CAMK1D: variants seen among roughly 807,000 people sequenced by gnomAD.
CAMK1D encodes calcium/calmodulin-dependent protein kinase type 1D.
Under a neutral mutation model 47.7 loss-of-function variants are expected in CAMK1D, and 9 were observed. That is an observed-to-expected ratio of 0.19 (90% confidence interval 0.11 to 0.33). CAMK1D has a LOEUF of 0.33. Ranked by LOEUF, CAMK1D falls within the 10% of genes least tolerant of loss-of-function variation. CAMK1D has a pLI of 1.00. For synonymous variants in CAMK1D, 184 were observed against 184.9 expected (o/e 0.99, Z 0.04); for missense variants, 291 against 488.7 (o/e 0.60, Z 3.81).
At chr10:12,817,271 G>C (rs990454707) in intron 8 of CAMK1D, among the ~76,000 whole-genome samples, 1 of 152,222 alleles carries the variant, frequency 6.6e-6, no homozygotes, top group Non-Finnish European at 1.5e-5. Flanking sequence ...AGTCTTTAAA[G>C]ATATTGAAGA....
intron 3 of CAMK1D, among the ~76,000 whole-genome samples, chr10:12,693,421 G>A (rs571283927): frequency 1.3e-4 from 20 of 151,796 alleles, no homozygotes; most frequent in African/African-American, 3.6e-4. Context: ...GGCCTCCAGC[G>A]TGGGCAATGT....
chr10:12,535,312 G>A (rs556652451), intron 1 of CAMK1D, among the ~76,000 whole-genome samples: 1 of 152,186 alleles, frequency 6.6e-6, no homozygotes, highest in East Asian at 1.9e-4. Context: ...TTCACTCTCT[G>A]TTCTGAAGTG....
chr10:12,616,540 C>T (rs933915701), intron 2 of CAMK1D, among the ~76,000 whole-genome samples: 8 of 151,960 alleles, frequency 5.3e-5, no homozygotes, highest in Admixed American at 1.3e-4. Flanking sequence ...GTTTTTGAGA[C>T]GGAGTCTCGC....
At chr10:12,756,889 C>T (rs192769655) in intron 3 of CAMK1D, among the ~76,000 whole-genome samples, 26 of 152,362 alleles carry the variant, frequency 1.7e-4, no homozygotes, top group African/African-American at 5.5e-4. Flanking sequence ...TGCCACTGCA[C>T]TCCAGCCTGG....
chr10:12,417,638 T>C (rs769277473), intron 1 of CAMK1D, among the ~76,000 whole-genome samples: 1 of 152,128 alleles, frequency 6.6e-6, no homozygotes, highest in Non-Finnish European at 1.5e-5. Flanking sequence ...CTCTACCTCC[T>C]GGCTCCTTCA....
At chr10:12,693,723 G>A (rs1280110554) in intron 3 of CAMK1D, among the ~76,000 whole-genome samples, 1 of 150,252 alleles carries the variant, frequency 6.7e-6, no homozygotes, top group African/African-American at 2.5e-5. Context: ...CAGCCTGCTG[G>A]CTTATCCTAG....
At chr10:12,530,637 C>T (rs886329911) in intron 1 of CAMK1D, among the ~76,000 whole-genome samples, 1 of 152,158 alleles carries the variant, frequency 6.6e-6, no homozygotes, top group Non-Finnish European at 1.5e-5. Flanking sequence ...AAGGTCTTCC[C>T]GTGGCCTCGG....
intron 2 of CAMK1D, among the ~76,000 whole-genome samples, chr10:12,601,932 G>T (rs1404235120): frequency 6.6e-6 from 1 of 152,348 alleles, no homozygotes; most frequent in African/African-American, 2.4e-5. Context: ...ACAGGAAGAA[G>T]CCCCCTCTAC....
chr10:12,820,342 C>T (rs1025226235), intron 8 of CAMK1D, among the ~76,000 whole-genome samples: 2 of 152,214 alleles, frequency 1.3e-5, no homozygotes, highest in Non-Finnish European at 2.9e-5. Flanking sequence ...TTTAACCCTC[C>T]CAATAAGTCA....
intron 5 of CAMK1D, among the ~76,000 whole-genome samples, 153 bp from the exon 6 acceptor site, chr10:12,791,005 A>T (rs1323438662): frequency 2.2e-5 from 1 of 45,356 alleles, no homozygotes; most frequent in Non-Finnish European, 4.5e-5. Context: ...TCCTTCCTTT[A>T]AAAAAAAAAA....
intron 3 of CAMK1D, among the ~76,000 whole-genome samples, chr10:12,716,869 G>C (rs1315852928): frequency 1.3e-5 from 2 of 152,168 alleles, no homozygotes; most frequent in Non-Finnish European, 2.9e-5. Context: ...TGGCTGTCGG[G>C]ACTCTCTTAC....
intron 1 of CAMK1D, among the ~76,000 whole-genome samples, chr10:12,516,242 G>A (rs1177236148): frequency 1.3e-5 from 2 of 152,110 alleles, no homozygotes; most frequent in Non-Finnish European, 2.9e-5. Context: ...CTGAGTAGCT[G>A]GGATTACAGT....
chr10:12,776,990 T>C (rs1366458458), intron 5 of CAMK1D, among the ~76,000 whole-genome samples: 1 of 152,178 alleles, frequency 6.6e-6, no homozygotes, highest in Non-Finnish European at 1.5e-5. Context: ...CCACAAAGTA[T>C]TGATTTGGGG....
chr10:12,575,525 T>G (rs1187866332), intron 2 of CAMK1D, among the ~76,000 whole-genome samples: 1 of 152,330 alleles, frequency 6.6e-6, no homozygotes, highest in East Asian at 1.9e-4. Flanking sequence ...GGGCAAAATC[T>G]CCAGCCTTCA....
chr10:12,440,075 C>A (rs1438839883), intron 1 of CAMK1D, among the ~76,000 whole-genome samples: 7 of 152,162 alleles, frequency 4.6e-5, no homozygotes, highest in Non-Finnish European at 8.8e-5. Context: ...AACTGTAATT[C>A]AAGGTGAGAT....
intron 2 of CAMK1D, among the ~76,000 whole-genome samples, chr10:12,641,531 T>A (rs1171230885): frequency 6.6e-6 from 1 of 150,662 alleles, no homozygotes; most frequent in African/African-American, 2.4e-5. Flanking sequence ...GGTGGGAGGA[T>A]CATCTGAGCC....
At position 12,622,224 on chromosome 10, in the gene CAMK1D, G is replaced by C. The variant is rs541890121; in HGVS notation, c.225-44512G>C. 4.6e-5 allele frequency among the ~76,000 whole-genome samples: 7 copies of C among 152,306 alleles called. No homozygotes were observed. In the South Asian group the frequency reaches 1.2e-3, roughly 27 times the overall value. ...CTGCTTGGCCTTTGCTGCTGGTGGT[G>C]GTGGGCCATATTTTGTTCCTGTAGG... On this transcript the variant is annotated intron_variant, in intron 2 of 10. Coordinates refer to ENST00000619168, the MANE Select transcript of CAMK1D (RefSeq NM_153498.4).
chr10:12,801,173 C>T (rs576694396), intron 6 of CAMK1D, among the ~76,000 whole-genome samples: 14 of 152,154 alleles, frequency 9.2e-5, no homozygotes, highest in Admixed American at 6.5e-4. Flanking sequence ...TGGGAAGCAG[C>T]ATTTAATGAT....
rs957235772 is a variant in CAMK1D at position 12,388,247 on chromosome 10, G to C, written c.92+38337G>C. On this transcript the variant is annotated intron_variant, in intron 1 of 10. Coordinates refer to ENST00000619168, the MANE Select transcript of CAMK1D (RefSeq NM_153498.4). ...TTGTCATGTTGGCCAGGCTGATCTC[G>C]AACTCCTGACCTCAGGTGATCCGCT... Among the ~76,000 whole-genome samples, 3 of 152,254 alleles carry C rather than the reference G, an allele frequency of 2.0e-5. No individual in the cohort carries two copies. In the East Asian group the frequency reaches 5.8e-4, roughly 29 times the overall value.
Sources: allele counts gnomAD v4.1 joint callset (sites outside exome capture counted in the v4.1 genomes callset), GRCh38; gene constraint gnomAD v4.1.1; transcripts MANE v1.5; gene names NCBI Gene and HGNC (gene_info 2026-07-23, HGNC 2026-07-21).